PIGU: variants seen among roughly 807,000 people sequenced by gnomAD.
The protein encoded by PIGU is GPI-anchor transamidase component PIGU.
PIGU carries 24 observed loss-of-function variants against 49.9 expected under a neutral mutation model. The ratio of observed to expected loss-of-function variants is 0.48; its 90% CI spans 0.35 to 0.68. The LOEUF is 0.68. Ranked by LOEUF, PIGU falls within the 30% of genes least tolerant of loss-of-function variation. The pLI is 0.01. For synonymous variants in PIGU, 220 were observed against 205.7 expected, an observed-to-expected ratio of 1.07 and a Z score of -0.59; for missense variants, 490 against 532.6, an observed-to-expected ratio of 0.92 and a Z score of 0.79.
At chr20:34,628,451 G>A (rs1432519028) in intron 6 of PIGU, among the ~76,000 whole-genome samples, 1 of 152,074 alleles carries the variant, frequency 6.6e-6, no homozygotes, top group African/African-American at 2.4e-5. Flanking sequence ...AAAGTTAATT[G>A]TAATATTTAA....
At chr20:34,587,490 G>T (rs1983743627) in intron 8 of PIGU, among the ~76,000 whole-genome samples, 1 of 152,150 alleles carries the variant, frequency 6.6e-6, no homozygotes, top group Non-Finnish European at 1.5e-5. Flanking sequence ...AACATTGTTT[G>T]TGGTGGGAAC....
At position 34,611,590 on chromosome 20, in the gene PIGU, G is replaced by A. The variant is rs1307939097; in HGVS notation, c.627+4452C>T. Among the ~76,000 whole-genome samples, 21 of 142,206 alleles carry A rather than the reference G, an allele frequency of 1.5e-4. No individual in the cohort carries two copies. The Admixed American group carries it at 1.6e-3, about 11-fold the overall frequency. The allele number at this position is 142,206 out of a possible 152,430, so 93.3% of individuals were successfully genotyped here. On this transcript the variant is annotated intron_variant, in intron 7 of 11. Transcript: ENST00000217446. Reference sequence around the variant, plus strand: ...GAACCTGGGAGGCAGAGGTTGCAGTGAGCTGAGATTGTGTCACTGCACTCC... The same window carrying A: ...GAACCTGGGAGGCAGAGGTTGCAGTAAGCTGAGATTGTGTCACTGCACTCC...
At chr20:34,663,119 G>C (rs566764100) in intron 1 of PIGU, among the ~76,000 whole-genome samples, 90 of 152,144 alleles carry the variant, frequency 5.9e-4, no homozygotes, top group African/African-American at 2.1e-3. Context: ...TGCGCAGGCT[G>C]GTCTTGAACT....
intron 1 of PIGU, among the ~76,000 whole-genome samples, chr20:34,664,958 C>T (rs1033585037): frequency 1.3e-5 from 2 of 151,496 alleles, no homozygotes; most frequent in African/African-American, 4.9e-5. Flanking sequence ...CCAGCCTGGG[C>T]GACAGAGCCA....
At chr20:34,600,824 T>C (rs1423399892) in intron 7 of PIGU, among the ~76,000 whole-genome samples, 1 of 151,970 alleles carries the variant, frequency 6.6e-6, no homozygotes, top group Non-Finnish European at 1.5e-5. Context: ...CACCTGAGGT[T>C]GGGAGTTCGA....
intron 10 of PIGU, among the ~76,000 whole-genome samples, chr20:34,575,697 G>A (rs1463102012): frequency 6.6e-6 from 1 of 152,162 alleles, no homozygotes; most frequent in Non-Finnish European, 1.5e-5. Context: ...GGTCTCCATG[G>A]TGCCACAGTC....
chr20:34,628,046 G>A (rs1985560916), intron 6 of PIGU, among the ~76,000 whole-genome samples: 1 of 152,178 alleles, frequency 6.6e-6, no homozygotes, highest in Non-Finnish European at 1.5e-5. Flanking sequence ...TGCCACCCCA[G>A]AAAAGGTAGG....
chr20:34,668,875 T>A (rs1314892959), intron 1 of PIGU, among the ~76,000 whole-genome samples: 952 of 43,596 alleles, frequency 0.022, 13 homozygotes, highest in African/African-American at 0.077. Context: ...AACTTTTTTT[T>A]TTTTTTTTTT....
At chr20:34,668,991 C>A (rs1044345577) in intron 1 of PIGU, among the ~76,000 whole-genome samples, 3 of 147,828 alleles carry the variant, frequency 2.0e-5, no homozygotes, top group African/African-American at 7.5e-5. Context: ...CTCAAGCAAT[C>A]CTCCCACTTC....
chr20:34,672,814 C>T (rs963591794), intron 1 of PIGU, among the ~76,000 whole-genome samples: 3 of 148,150 alleles, frequency 2.0e-5, no homozygotes, highest in South Asian at 2.1e-4. Flanking sequence ...ATGATCATGC[C>T]GCTGCACTCC....
chr20:34,656,038 GTCT>G (rs539091073), intron 2 of PIGU, among the ~76,000 whole-genome samples: 1,071 of 97,266 alleles, frequency 0.011, 196 homozygotes, highest in African/African-American at 0.042. Flanking sequence ...CAATGGTGCA[GTCT>G]CGGCTCACTG....
chr20:34,674,730 C>T (rs541827558), intron 1 of PIGU, among the ~76,000 whole-genome samples: 1 of 151,900 alleles, frequency 6.6e-6, no homozygotes, highest in Admixed American at 6.6e-5. Flanking sequence ...AGTTTGAGAC[C>T]AGCCTAAGCA....
intron 1 of PIGU, among the ~76,000 whole-genome samples, chr20:34,661,271 C>T (rs1166056086): frequency 6.6e-6 from 1 of 151,922 alleles, no homozygotes; most frequent in Non-Finnish European, 1.5e-5. Context: ...GGGTAAATTG[C>T]ATGTCATAGA....
At chr20:34,588,779 G>A (rs994750281) in intron 7 of PIGU, among the ~76,000 whole-genome samples, 172 bp from the exon 8 acceptor site, 1 of 152,078 alleles carries the variant, frequency 6.6e-6, no homozygotes, top group Non-Finnish European at 1.5e-5. Context: ...GGTATTACGG[G>A]TGCATCCTCT....
intron 4 of PIGU, among the ~76,000 whole-genome samples, chr20:34,638,397 C>T (rs1281054519): frequency 6.6e-6 from 1 of 152,172 alleles, no homozygotes; most frequent in Non-Finnish European, 1.5e-5. Flanking sequence ...ATATGATTGA[C>T]TAATGTCTGT....
intron 7 of PIGU, among the ~76,000 whole-genome samples, chr20:34,605,971 T>TC (rs1331957402): frequency 1.3e-5 from 2 of 152,030 alleles, no homozygotes; most frequent in African/African-American, 2.4e-5. Context: ...AATCAACAAT[T>TC]CCCAGCCGGC....
At chr20:34,586,581 GT>G (rs1288566304) in intron 8 of PIGU, among the ~76,000 whole-genome samples, 1 of 151,996 alleles carries the variant, frequency 6.6e-6, no homozygotes, top group Non-Finnish European at 1.5e-5. Flanking sequence ...ACATGCACAG[GT>G]TTAAGAGTCT....
At chr20:34,626,695 T>C (rs1985507160) in intron 6 of PIGU, among the ~76,000 whole-genome samples, 1 of 152,210 alleles carries the variant, frequency 6.6e-6, no homozygotes, top group African/African-American at 2.4e-5. Context: ...ATAGAACATT[T>C]GCCAGAACTG....
intron 10 of PIGU, among the ~76,000 whole-genome samples, chr20:34,577,768 C>T (rs1357986430): frequency 6.6e-6 from 1 of 152,070 alleles, no homozygotes; most frequent in African/African-American, 2.4e-5. Flanking sequence ...CACGGAGAGC[C>T]CTCAGACTAG....
Sources: allele counts gnomAD v4.1 joint callset (sites outside exome capture counted in the v4.1 genomes callset), GRCh38; gene constraint gnomAD v4.1.1; transcripts MANE v1.5; gene names NCBI Gene and HGNC (gene_info 2026-07-23, HGNC 2026-07-21).